Variants in ZNF268 observed in about 807,000 individuals in gnomAD.
ZNF268 encodes zinc finger protein 3.
In ZNF268, 20 loss-of-function variants were observed where a neutral mutation model predicts 29.3. The observed-to-expected ratio is 0.68, with a 90% CI of 0.48 to 0.99. The LOEUF is 0.99. ZNF268 is among the 50% of genes least tolerant of loss of function. The pLI, the probability that ZNF268 is intolerant of heterozygous loss-of-function variation, is 0.00. For synonymous variants in ZNF268, 429 were observed against 376.9 expected (o/e 1.14, Z -1.60); for missense variants, 1,240 against 1,121.6 (o/e 1.11, Z -1.51).
chr12:133,185,290 A>G (rs1476979986), intron 2 of ZNF268, among the ~76,000 whole-genome samples: 1 of 152,160 alleles, frequency 6.6e-6, no homozygotes, highest in East Asian at 1.9e-4. Context: ...GAGTTACAAT[A>G]GCAAGCCAGC....
intron 3 of ZNF268, among the ~76,000 whole-genome samples, chr12:133,189,986 T>C (rs1390513438): frequency 7.3e-6 from 1 of 137,160 alleles, no homozygotes; most frequent in East Asian, 2.0e-4. Context: ...TTTTTTGTAT[T>C]TTTAGTAGAG....
Position 133,204,132 on chromosome 12 carries a change from GCCTT to G in ZNF268, c.2448_2451del (p.Ile818GlyfsTer125). 6.5e-7 allele frequency: 1 copy of G among 1,543,978 alleles called. No homozygotes were observed. The highest frequency in any genetic ancestry group is 1.4e-5 in the African/African-American group (1 of 73,150). On this transcript the variant is annotated frameshift_variant, in exon 6 of 6. Coordinates refer to ENST00000536435, the MANE Select transcript of ZNF268 (RefSeq NM_003415.3). LOFTEE classifies it low-confidence loss of function (END_TRUNC). ...ATATGAATGTAATGAATGTGGGAAA[GCCTT>G]CATTTGGAAATCACTACTCATTGTA...
At chr12:133,195,346 G>A (rs1014852713) in intron 5 of ZNF268, among the ~76,000 whole-genome samples, 31 of 152,094 alleles carry the variant, frequency 2.0e-4, no homozygotes, top group Admixed American at 1.5e-3. Context: ...ATATGGTCTC[G>A]AATCATGTTT....
chr12:133,212,514 C>G lies in ZNF268; in HGVS notation c.*7984C>G, dbSNP rs370384798. ...ATATATATATGTATATATACACACA[C>G]ACATACACACATATATACACATATA... On this transcript the variant is annotated 3_prime_UTR_variant, in exon 6 of 6. Transcript: ENST00000536435. The G allele has an allele frequency of 3.6e-5, 3 of 83,420 alleles. No homozygotes were observed. Among genetic ancestry groups the G allele is most frequent in the African/African-American group, 1.8e-4 (3 of 17,034 alleles). The allele number at this position is 83,420 out of a possible 1,614,324, so 5.2% of individuals were successfully genotyped here.
In ZNF268 at chr12:133,203,891, C is replaced by T; in HGVS notation, c.2205C>T (p.Phe735=). Residue 735 remains phenylalanine (F), a synonymous_variant, in exon 6 of 6, where the codon TTC becomes TTT. Coordinates refer to ENST00000536435, the MANE Select transcript of ZNF268 (RefSeq NM_003415.3). ...GGGAATGCGGGAAATCCTTTAGTTT[C>T]AATTCACAACTCATTGTGCATCAGA... is the stretch of plus-strand genomic sequence containing the variant. ...ECRECGKSFS[F]NSQLIVHQRI... 1 of 1,576,730 alleles carries T rather than the reference C, an allele frequency of 6.3e-7. No homozygotes were observed. The highest frequency in any genetic ancestry group is 8.6e-7 in the Non-Finnish European group (1 of 1,164,700).
chr12:133,191,099 A>C (rs576969777), intron 3 of ZNF268, among the ~76,000 whole-genome samples: 8 of 152,010 alleles, frequency 5.3e-5, no homozygotes, highest in Non-Finnish European at 8.8e-5. Context: ...GGCAGATCAC[A>C]AAGTCAGGAG....
Position 133,205,882 on chromosome 12 carries a change from A to T in ZNF268, c.*1352A>T, listed in dbSNP as rs1956890331. Reference sequence around the variant, plus strand: ...AGCACTATGGTCAGCTGAGGCTCAGAACTGTACATTGTTAATGGGTTTTTC... The same window carrying T: ...AGCACTATGGTCAGCTGAGGCTCAGTACTGTACATTGTTAATGGGTTTTTC... On this transcript the variant is annotated 3_prime_UTR_variant, in exon 6 of 6. Transcript: ENST00000536435. The T allele has an allele frequency of 6.6e-6, 1 of 152,192 alleles. No individual in the cohort carries two copies. The highest frequency in any genetic ancestry group is 1.5e-5 in the Non-Finnish European group (1 of 68,026). The allele number at this position is 152,192 out of a possible 1,614,324, so 9.4% of individuals were successfully genotyped here.
At chr12:133,190,100 G>A (rs1004384980) in intron 3 of ZNF268, among the ~76,000 whole-genome samples, 6 of 152,182 alleles carry the variant, frequency 3.9e-5, no homozygotes, top group South Asian at 4.1e-4. Flanking sequence ...GAGCCATGGC[G>A]CCTGGCCCAA....
chr12:133,182,412 T>C (rs971219326), intron 2 of ZNF268, among the ~76,000 whole-genome samples: 1 of 152,168 alleles, frequency 6.6e-6, no homozygotes, highest in African/African-American at 2.4e-5. Flanking sequence ...TTGTATTTTG[T>C]TTGCTGGACC....
chr12:133,190,383 C>T (rs1372798957), intron 3 of ZNF268, among the ~76,000 whole-genome samples: 1 of 152,158 alleles, frequency 6.6e-6, no homozygotes, highest in Non-Finnish European at 1.5e-5. Context: ...AAACTGGCTT[C>T]CAAAGTGACT....
chr12:133,181,937 C>G lies in ZNF268; in HGVS notation c.-52-9C>G. The G allele has an allele frequency of 6.5e-7, 1 of 1,541,700 alleles. No individual in the cohort carries two copies. The highest frequency in any genetic ancestry group is 8.8e-7 in the Non-Finnish European group (1 of 1,137,674). ...GTGACCTCTTTCTTCACTGTGCTCT[C>G]TCTTCTAGCATCCCTCGCGTCCTGT... On this transcript the variant is annotated splice_polypyrimidine_tract_variant and intron_variant, in intron 1 of 5. Transcript: ENST00000536435.
chr12:133,204,139 T>G lies in ZNF268; in HGVS notation c.2453T>G (p.Ile818Ser). 6.5e-7 allele frequency: 1 copy of G among 1,542,532 alleles called. No individual in the cohort carries two copies. The highest frequency in any genetic ancestry group is 8.7e-7 in the Non-Finnish European group (1 of 1,147,178). Residue 818 changes from isoleucine (I) to serine (S), a missense_variant, in exon 6 of 6, where the codon ATT becomes AGT. Ile to Ser is a moderately radical substitution (Grantham distance 142, BLOSUM62 -2). This residue lies in a region of ZNF268 where 1,177 missense variants were observed against 1,039.6 expected (regional missense o/e 1.13). Coordinates refer to ENST00000536435, the MANE Select transcript of ZNF268 (RefSeq NM_003415.3). ...YECNECGKAFIWKSLLIVHER... is the reference protein window; with the variant it reads ...YECNECGKAFSWKSLLIVHER... ...TGTAATGAATGTGGGAAAGCCTTCA[T>G]TTGGAAATCACTACTCATTGTACAT... is the stretch of plus-strand genomic sequence containing the variant.
chr12:133,192,907 C>T (rs1293995370), intron 5 of ZNF268, among the ~76,000 whole-genome samples: 1 of 152,214 alleles, frequency 6.6e-6, no homozygotes, highest in Non-Finnish European at 1.5e-5. Context: ...GATCCGCCCA[C>T]CTCGGCCTCC....
intron 2 of ZNF268, among the ~76,000 whole-genome samples, chr12:133,186,427 G>A (rs1432846310): frequency 2.0e-5 from 3 of 149,938 alleles, no homozygotes; most frequent in African/African-American, 7.4e-5. Context: ...CTGTTGCCCA[G>A]GCTGGAGTAC....
chr12:133,188,630 C>CT (rs34788128), intron 3 of ZNF268, among the ~76,000 whole-genome samples: 73 of 151,850 alleles, frequency 4.8e-4, no homozygotes, highest in Non-Finnish European at 7.9e-4. Context: ...TATGTGTATC[C>CT]TTTTTTTTAA....
At chr12:133,193,369 T>C in intron 5 of ZNF268, 1 of 568,752 alleles carries the variant, frequency 1.8e-6, no homozygotes, top group East Asian at 2.9e-5. Context: ...TTTGTGTTGC[T>C]GTAATAAAAT....
intron 2 of ZNF268, among the ~76,000 whole-genome samples, chr12:133,186,716 T>C (rs1956326335): frequency 6.6e-6 from 1 of 152,158 alleles, no homozygotes; most frequent in African/African-American, 2.4e-5. Context: ...TGGTGAATGA[T>C]GAAACGTGAT....
At chr12:133,191,753 GGCA>G in intron 4 of ZNF268, 138 bp downstream of exon 4, 1 of 1,461,558 alleles carries the variant, frequency 6.8e-7, no homozygotes, top group Non-Finnish European at 9.5e-7. Flanking sequence ...GTTCCCTATT[GGCA>G]GCAGAGTATG....
At position 133,203,677 on chromosome 12, in the gene ZNF268, G is replaced by T; in HGVS notation, c.1991G>T (p.Gly664Val). 1 of 1,549,580 alleles carries T rather than the reference G, an allele frequency of 6.5e-7. No homozygotes were observed. Among genetic ancestry groups the T allele is most frequent in the Non-Finnish European group, 8.7e-7 (1 of 1,152,914 alleles). Residue 664 changes from glycine to valine, a missense_variant, in exon 6 of 6, where the codon GGA becomes GTA. Physicochemically the swap from Gly to Val is moderately radical, Grantham distance 109. Around this residue, in one of 3 missense-constraint regions of ZNF268, gnomAD observed 1,177 missense variants for 1,039.6 expected, o/e 1.13. Coordinates refer to ENST00000536435, the MANE Select transcript of ZNF268 (RefSeq NM_003415.3). ...ATTGTACATAAAGGAGTGCACACTG[G>T]AGTAAAACCCTATGGATGCAGTCAA... ...QLIVHKGVHT[G>V]VKPYGCSQCA...
Sources: gnomAD v4.1 joint callset for allele counts (sites outside exome capture counted in the v4.1 genomes callset) on GRCh38, gnomAD v4.1.1 for gene constraint, gnomAD v4.1.1 regional missense constraint, MANE v1.5 for transcripts, NCBI Gene and HGNC (gene_info 2026-07-23, HGNC 2026-07-21) for gene names.